Variants in CNTN4 observed in about 807,000 individuals in gnomAD.
The protein encoded by CNTN4 is contactin 4.
In CNTN4, 77 loss-of-function variants were observed where a neutral mutation model predicts 122.5. The observed-to-expected ratio is 0.63, with a 90% CI of 0.52 to 0.76. The LOEUF (loss-of-function observed/expected upper bound fraction) is 0.76, where lower values mean the gene tolerates loss of function less well. CNTN4 is among the 30% of genes least tolerant of loss of function. CNTN4 has a pLI of 0.00. For missense variants in CNTN4, 1,256 were observed against 1,259.1 expected (o/e 1.00, Z 0.04); for synonymous variants, 512 against 447.0 (o/e 1.15, Z -1.83).
At chr3:2,155,145 C>T (rs1411345343) in intron 2 of CNTN4, among the ~76,000 whole-genome samples, 2 of 152,214 alleles carry the variant, frequency 1.3e-5, no homozygotes, top group Non-Finnish European at 2.9e-5. Flanking sequence ...GTAAACCTTA[C>T]ACATAATCTT....
chr3:2,200,947 C>T (rs1425148077), intron 2 of CNTN4, among the ~76,000 whole-genome samples: 1 of 152,220 alleles, frequency 6.6e-6, no homozygotes, highest in East Asian at 1.9e-4. Flanking sequence ...ATAAAATTCA[C>T]TAGAAATGAG....
intron 2 of CNTN4, among the ~76,000 whole-genome samples, chr3:2,160,128 G>A (rs890130066): frequency 1.3e-5 from 2 of 152,124 alleles, no homozygotes; most frequent in African/African-American, 4.8e-5. Flanking sequence ...GAAAGAACAT[G>A]TTACTAAATT....
intron 4 of CNTN4, among the ~76,000 whole-genome samples, chr3:2,630,012 C>T (rs2082361563): frequency 6.6e-6 from 1 of 152,204 alleles, no homozygotes. Flanking sequence ...ATCTGCCTCT[C>T]TACCTGCTTT....
intron 4 of CNTN4, among the ~76,000 whole-genome samples, chr3:2,599,340 A>G (rs1374722988): frequency 6.6e-6 from 1 of 152,224 alleles, no homozygotes; most frequent in Non-Finnish European, 1.5e-5. Flanking sequence ...ATTTAAAACT[A>G]GTATATCTGA....
chr3:2,576,123 C>CTG (rs2079670898), intron 4 of CNTN4, among the ~76,000 whole-genome samples: 2 of 152,148 alleles, frequency 1.3e-5, no homozygotes, highest in East Asian at 1.9e-4. Context: ...GCGTGAGCCA[C>CTG]CACGCCCAGC....
At chr3:3,037,692 A>G (rs1699736965) in intron 18 of CNTN4, 3 of 343,852 alleles carry the variant, frequency 8.7e-6, no homozygotes, top group South Asian at 7.3e-5. Flanking sequence ...ATGGCAAAGA[A>G]TAATTTGTGA....
At chr3:3,035,927 TAAAAA>T (rs34297312) in intron 17 of CNTN4, among the ~76,000 whole-genome samples, 1 of 143,014 alleles carries the variant, frequency 7.0e-6, no homozygotes, top group African/African-American at 2.6e-5. Context: ...TACAAATTCT[TAAAAA>T]AAAAAAAAAC....
intron 3 of CNTN4, among the ~76,000 whole-genome samples, chr3:2,492,283 G>A (rs953780078): frequency 6.6e-6 from 1 of 152,126 alleles, no homozygotes; most frequent in Non-Finnish European, 1.5e-5. Context: ...GCATTTGTGA[G>A]CCCTTCCTTC....
chr3:2,782,937 T>TTA (rs1421513720), intron 6 of CNTN4, among the ~76,000 whole-genome samples: 1 of 152,140 alleles, frequency 6.6e-6, no homozygotes, highest in Non-Finnish European at 1.5e-5. Flanking sequence ...ATAAATTTAC[T>TTA]TAGCTATGTC....
Position 2,696,239 on chromosome 3 carries a change from C to T in CNTN4, c.56-39976C>T, listed in dbSNP as rs146538963. Among the ~76,000 whole-genome samples, 356 of 152,170 alleles carry T rather than the reference C, an allele frequency of 2.3e-3. 1 individual carries two copies. The highest frequency in any genetic ancestry group is 8.1e-3 in the African/African-American group (336 of 41,514). On this transcript the variant is annotated intron_variant, in intron 4 of 24. Coordinates refer to ENST00000418658, the MANE Select transcript of CNTN4 (RefSeq NM_175607.3). ...GAAGTGTTATAACAAATAATTTCTG[C>T]GAAGTGGAGTTTTAGGTAATACATA... is the stretch of plus-strand genomic sequence containing the variant.
At chr3:2,363,247 T>A (rs2045233571) in intron 3 of CNTN4, among the ~76,000 whole-genome samples, 1 of 152,222 alleles carries the variant, frequency 6.6e-6, no homozygotes, top group African/African-American at 2.4e-5. Flanking sequence ...GTCTCCTATG[T>A]AATGGGAGGG....
intron 2 of CNTN4, among the ~76,000 whole-genome samples, chr3:2,283,014 T>G (rs1367249130): frequency 6.6e-6 from 1 of 152,114 alleles, no homozygotes; most frequent in Non-Finnish European, 1.5e-5. Context: ...TGGAGAGTTA[T>G]TGCTTAATGG....
chr3:3,024,171 A>T (rs1041881401), intron 14 of CNTN4, among the ~76,000 whole-genome samples: 10 of 152,162 alleles, frequency 6.6e-5, no homozygotes, highest in Admixed American at 5.9e-4. Flanking sequence ...AAATTGCAGA[A>T]TCAGTGGGCA....
intron 14 of CNTN4, among the ~76,000 whole-genome samples, chr3:2,993,758 G>T (rs1227415888): frequency 1.3e-5 from 2 of 152,208 alleles, no homozygotes; most frequent in African/African-American, 4.8e-5. Flanking sequence ...TCTGTCCAAG[G>T]TATAGTCTGG....
chr3:2,781,244 T>C (rs995908773), intron 6 of CNTN4, among the ~76,000 whole-genome samples: 4 of 152,362 alleles, frequency 2.6e-5, no homozygotes, highest in East Asian at 3.9e-4. Flanking sequence ...TATTCATCTA[T>C]ATTCTTCATT....
At chr3:2,372,459 C>G (rs1317559792) in intron 3 of CNTN4, among the ~76,000 whole-genome samples, 1 of 152,188 alleles carries the variant, frequency 6.6e-6, no homozygotes, top group Non-Finnish European at 1.5e-5. Context: ...AGCTGACTGT[C>G]TATGTCCATA....
chr3:2,273,331 T>C (rs1173044750), intron 2 of CNTN4, among the ~76,000 whole-genome samples: 1 of 152,204 alleles, frequency 6.6e-6, no homozygotes, highest in Non-Finnish European at 1.5e-5. Context: ...TCAGTCCTAT[T>C]CTGTGTATCT....
At chr3:2,607,768 T>C (rs1340246880) in intron 4 of CNTN4, among the ~76,000 whole-genome samples, 2 of 152,192 alleles carry the variant, frequency 1.3e-5, no homozygotes, top group Non-Finnish European at 1.5e-5. Flanking sequence ...AAAAAATAGA[T>C]ACATATGTTT....
intron 4 of CNTN4, among the ~76,000 whole-genome samples, chr3:2,587,631 C>T (rs187980791): frequency 6.6e-6 from 1 of 152,248 alleles, no homozygotes; most frequent in East Asian, 1.9e-4. Context: ...TCTTGTACCT[C>T]CCTTATGATT....
Sources: allele counts gnomAD v4.1 joint callset (sites outside exome capture counted in the v4.1 genomes callset), GRCh38; gene constraint gnomAD v4.1.1; transcripts MANE v1.5; gene names NCBI Gene and HGNC (gene_info 2026-07-23, HGNC 2026-07-21).